The following PLEKHA7 variants were observed in gnomAD, a reference collection of about 807,000 sequenced individuals.
The protein encoded by PLEKHA7 is pleckstrin homology domain-containing family A member 7.
A neutral mutation model predicts 170.0 loss-of-function variants in PLEKHA7; 104 were observed. That is an observed-to-expected ratio of 0.61 (90% CI 0.52 to 0.72). PLEKHA7 has a LOEUF of 0.72. Among genes scored for constraint, PLEKHA7 ranks in the 30% least tolerant of loss-of-function variants. The pLI is 0.00. For missense variants in PLEKHA7, 1,615 were observed against 1,671.7 expected (o/e 0.97, Z 0.59); for synonymous variants, 648 against 660.8 (o/e 0.98, Z 0.30).
chr11:16,837,294 A>T (rs997718629), intron 9 of PLEKHA7, among the ~76,000 whole-genome samples: 25 of 152,168 alleles, frequency 1.6e-4, no homozygotes, highest in African/African-American at 5.8e-4. Context: ...CCAAAATCTG[A>T]TGCTAAAAAA....
At chr11:16,795,324 A>G (rs549376982) in intron 17 of PLEKHA7, 4 of 307,478 alleles carry the variant, frequency 1.3e-5, no homozygotes, top group African/African-American at 8.4e-5. Flanking sequence ...TACTTAGAGT[A>G]GTCAATTTCG....
chr11:16,994,728 T>A (rs751307884), intron 3 of PLEKHA7, among the ~76,000 whole-genome samples: 4 of 152,152 alleles, frequency 2.6e-5, no homozygotes, highest in Non-Finnish European at 5.9e-5. Context: ...GACTCCCTTC[T>A]GTCAACCAAC....
chr11:16,962,063 C>T (rs915778248), intron 3 of PLEKHA7, among the ~76,000 whole-genome samples: 1 of 152,208 alleles, frequency 6.6e-6, no homozygotes, highest in Non-Finnish European at 1.5e-5. Flanking sequence ...TGGGGGGAAG[C>T]AAGTCAACCT....
intron 3 of PLEKHA7, among the ~76,000 whole-genome samples, chr11:16,992,321 C>T (rs1447368830): frequency 6.6e-6 from 1 of 152,308 alleles, no homozygotes; most frequent in South Asian, 2.1e-4. Flanking sequence ...TAAGGAAGCC[C>T]GGTGAGGCAG....
intron 3 of PLEKHA7, among the ~76,000 whole-genome samples, chr11:16,932,124 AT>A (rs1859982666): frequency 6.6e-6 from 1 of 151,894 alleles, no homozygotes; most frequent in African/African-American, 2.4e-5. Context: ...ACCCTGGATA[AT>A]TTTTTTTCTT....
intron 26 of PLEKHA7, among the ~76,000 whole-genome samples, chr11:16,782,173 C>CACACACA (rs60089285): frequency 1.2e-3 from 178 of 151,264 alleles, no homozygotes; most frequent in East Asian, 9.2e-3. Context: ...ACACACACAC[C>CACACACA]CACACACACA....
At chr11:16,859,920 A>T (rs2135519149) in intron 4 of PLEKHA7, among the ~76,000 whole-genome samples, 1 of 152,358 alleles carries the variant, frequency 6.6e-6, no homozygotes, top group South Asian at 2.1e-4. Flanking sequence ...TTGACTTAAA[A>T]GCCTGTTTGC....
intron 3 of PLEKHA7, among the ~76,000 whole-genome samples, chr11:16,966,956 C>T (rs1862411151): frequency 6.6e-6 from 1 of 152,140 alleles, no homozygotes; most frequent in African/African-American, 2.4e-5. Flanking sequence ...CGAAATGGTT[C>T]ATCTACAAAT....
chr11:17,002,972 T>C (rs1590827611), intron 3 of PLEKHA7, among the ~76,000 whole-genome samples: 1 of 144,994 alleles, frequency 6.9e-6, no homozygotes, highest in South Asian at 2.2e-4. Context: ...ATCCTTTAAG[T>C]ACCAGAATAG....
chr11:16,856,156 G>A (rs1051456243), intron 4 of PLEKHA7, among the ~76,000 whole-genome samples: 7 of 152,106 alleles, frequency 4.6e-5, no homozygotes, highest in African/African-American at 7.2e-5. Context: ...AACAAAGGAG[G>A]ACAGACTGTC....
At chr11:16,836,162 T>A (rs1028697483) in intron 9 of PLEKHA7, among the ~76,000 whole-genome samples, 18 of 152,226 alleles carry the variant, frequency 1.2e-4, no homozygotes, top group African/African-American at 4.1e-4. Flanking sequence ...ACCTTGATGA[T>A]ATGAGTTTGG....
chr11:16,954,355 AAACAAC>A (rs945823406), intron 3 of PLEKHA7, among the ~76,000 whole-genome samples: 1 of 151,844 alleles, frequency 6.6e-6, no homozygotes, highest in Admixed American at 6.6e-5. Flanking sequence ...ATCTCTACAA[AAACAAC>A]AACAACAACA....
intron 3 of PLEKHA7, among the ~76,000 whole-genome samples, chr11:16,928,023 GC>G (rs1310344828): frequency 1.3e-5 from 2 of 152,194 alleles, no homozygotes; most frequent in Non-Finnish European, 2.9e-5. Context: ...GAGGTGGTAA[GC>G]ACCTGTGTTT....
chr11:16,928,378 A>G (rs1396799532), intron 3 of PLEKHA7, among the ~76,000 whole-genome samples: 1 of 152,144 alleles, frequency 6.6e-6, no homozygotes, highest in Non-Finnish European at 1.5e-5. Context: ...TCAATTTTCT[A>G]CTACCATCTA....
chr11:16,795,147 G>A, intron 17 of PLEKHA7, 129 bp from the exon 18 acceptor site: 1 of 680,498 alleles, frequency 1.5e-6, no homozygotes. Context: ...CCCCACTAGT[G>A]CTAGAACCAA....
At position 16,797,014 on chromosome 11, in the gene PLEKHA7, A is replaced by T. The variant is rs916237139; in HGVS notation, c.2410-1996T>A. On this transcript the variant is annotated intron_variant, in intron 17 of 26. Coordinates refer to ENST00000531066, the MANE Select transcript of PLEKHA7 (RefSeq NM_001329630.2). The stretch of plus-strand genomic sequence containing the variant: ...TGTGAAATATATGATAAAGCTGTTA[A>T]TTTTTTTAGCACAATAAGAGTACAA... 2.8e-4 allele frequency among the ~76,000 whole-genome samples: 42 copies of T among 152,150 alleles called. 2 individuals are homozygous for T. Among genetic ancestry groups the T allele is most frequent in the Admixed American group, 2.8e-3 (42 of 15,270 alleles).
At chr11:16,809,482 A>AG (rs1277638699) in intron 13 of PLEKHA7, among the ~76,000 whole-genome samples, 1 of 152,158 alleles carries the variant, frequency 6.6e-6, no homozygotes, top group African/African-American at 2.4e-5. Flanking sequence ...CCAAGGAACC[A>AG]GGGGGGACCT....
chr11:17,014,076 A>G (rs1307554982), intron 2 of PLEKHA7, 30 bp from the exon 3 acceptor site: 1 of 1,579,014 alleles, frequency 6.3e-7, no homozygotes, highest in East Asian at 2.3e-5. Flanking sequence ...GTCGGGTCAA[A>G]CTTGGGCCGC....
intron 9 of PLEKHA7, among the ~76,000 whole-genome samples, chr11:16,838,727 C>T (rs1851724638): frequency 7.3e-6 from 1 of 137,826 alleles, no homozygotes; most frequent in South Asian, 2.3e-4. Context: ...GACAGTCTCG[C>T]TCTGTTGCCC....
Sources: allele counts gnomAD v4.1 joint callset (sites outside exome capture counted in the v4.1 genomes callset), GRCh38; gene constraint gnomAD v4.1.1; transcripts MANE v1.5; gene names NCBI Gene and HGNC (gene_info 2026-07-23, HGNC 2026-07-21).